MTERF2: variants seen among roughly 807,000 people sequenced by gnomAD.
MTERF2 encodes mitochondrial transcription termination factor 2.
Under a neutral mutation model 29.2 loss-of-function variants are expected in MTERF2, and 23 were observed. The observed-to-expected ratio is 0.79, with a 90% CI of 0.57 to 1.12. The LOEUF (loss-of-function observed/expected upper bound fraction) is 1.12, where lower values mean the gene tolerates loss of function less well. Among genes scored for constraint, MTERF2 ranks in the 50% most tolerant of loss-of-function variants. The pLI, the probability that MTERF2 is intolerant of heterozygous loss-of-function variation, is 0.00. For missense variants in MTERF2, 440 were observed against 429.4 expected (o/e 1.02, Z -0.22); for synonymous variants, 157 against 159.5 (o/e 0.98, Z 0.12).
rs146646904 is a variant in MTERF2, at chr12:106,978,677, C to G, written c.38G>C (p.Arg13Thr). ...WKLLLRSQSC[R>T]LCSFRKMRSP... The stretch of plus-strand genomic sequence containing the variant: ...TCGCATCTTTCTGAAAGAACACAGC[C>G]TGCAGGACTGGGATCTCAGCAGCAG... The change falls in exon 3 of 3, where the codon AGG becomes ACG. Residue 13 changes from arginine (R) to threonine (T), a missense_variant. By Grantham distance (71) the Arg-to-Thr change is moderately conservative. Transcript: ENST00000240050. 2 of 1,614,056 alleles carry G rather than the reference C, an allele frequency of 1.2e-6. No homozygotes were observed. Among genetic ancestry groups the G allele is most frequent in the Non-Finnish European group, 8.5e-7 (1 of 1,179,994 alleles).
At chr12:106,980,919 T>C (rs762234247) in intron 2 of MTERF2, among the ~76,000 whole-genome samples, 7 of 152,236 alleles carry the variant, frequency 4.6e-5, no homozygotes, top group Non-Finnish European at 7.3e-5. Flanking sequence ...GAGACTAAAA[T>C]AATTGTAGGC....
chr12:106,978,006 G>A lies in MTERF2; in HGVS notation c.709C>T (p.Gln237Ter), dbSNP rs370736317. 22 of 1,614,032 alleles carry A rather than the reference G, an allele frequency of 1.4e-5. No homozygotes were observed. Among genetic ancestry groups the A allele is most frequent in the Non-Finnish European group, 1.8e-5 (21 of 1,180,008 alleles). Residue 237 changes from glutamine to a stop codon, truncating the protein, a stop_gained, in exon 3 of 3, where the codon CAA (glutamine) becomes TAA (stop). Coordinates refer to ENST00000240050, the MANE Select transcript of MTERF2 (RefSeq NM_001033050.3). LOFTEE classifies it high-confidence loss of function. ...AGAATTTCAAAGCTGGTGAAACCTT[G>A]CTCCTGGAGAAATTCTAGTGTTTCC... ...IKETLEFLQE[Q>*]GFTSFEILQL...
chr12:106,977,504 T>C lies in MTERF2; in HGVS notation c.*53A>G. The C allele has an allele frequency of 6.6e-7, 1 of 1,519,462 alleles. No homozygotes were observed. The highest frequency in any genetic ancestry group is 8.8e-7 in the Non-Finnish European group (1 of 1,134,286). 94.1% of individuals were successfully genotyped at this position (1,519,462 alleles called of 1,614,324 possible). ...TACAAACTGCCTGAATTTTTGTCTTTGCTAGTTAGTTTCACCCTGCACTGC... is the reference window on the plus strand; with the variant it reads ...TACAAACTGCCTGAATTTTTGTCTTCGCTAGTTAGTTTCACCCTGCACTGC... On this transcript the variant is annotated 3_prime_UTR_variant, in exon 3 of 3. Coordinates refer to ENST00000240050, the MANE Select transcript of MTERF2 (RefSeq NM_001033050.3).
intron 2 of MTERF2, among the ~76,000 whole-genome samples, chr12:106,983,022 G>A (rs552028698): frequency 4.6e-5 from 7 of 151,992 alleles, no homozygotes; most frequent in South Asian, 2.1e-4. Flanking sequence ...AACTGCAATC[G>A]TTCTGCTTTT....
chr12:106,985,809 G>C (rs890524878), intron 1 of MTERF2: 1 of 152,182 alleles, frequency 6.6e-6, no homozygotes, highest in Non-Finnish European at 1.5e-5. Context: ...TAGGAATTTT[G>C]TTGCTGTTTG....
intron 2 of MTERF2, among the ~76,000 whole-genome samples, chr12:106,979,664 G>A (rs959972743): frequency 1.3e-5 from 2 of 152,098 alleles, no homozygotes; most frequent in African/African-American, 2.4e-5. Context: ...GACTGTTCCC[G>A]TGGTGCCATG....
intron 2 of MTERF2, among the ~76,000 whole-genome samples, chr12:106,980,173 G>GGT (rs1952039754): frequency 6.6e-6 from 1 of 152,130 alleles, no homozygotes; most frequent in African/African-American, 2.4e-5. Context: ...TGGGATTGTA[G>GGT]GTGTGGGCCC....
intron 2 of MTERF2, among the ~76,000 whole-genome samples, chr12:106,979,712 C>T (rs542441154): frequency 4.6e-5 from 7 of 152,274 alleles, no homozygotes; most frequent in African/African-American, 1.7e-4. Context: ...ACTGTACTTT[C>T]AGAACAGTGT....
rs77758288 is a variant in MTERF2, at chr12:106,982,463, T to C, written c.-58+2652A>G. ...TTAGTCTCTGATGAGCAAACACAAC[T>C]GACTATGGAAGTGAAAAGTATGAAT... On this transcript the variant is annotated intron_variant, in intron 2 of 2. Transcript: ENST00000240050. Among the ~76,000 whole-genome samples, 534 of 152,302 alleles carry C rather than the reference T, an allele frequency of 3.5e-3. 4 individuals are homozygous for C. The highest frequency in any genetic ancestry group is 0.012 in the African/African-American group (487 of 41,562).
At chr12:106,985,751 A>G (rs1952106362) in intron 1 of MTERF2, 1 of 152,216 alleles carries the variant, frequency 6.6e-6, no homozygotes, top group Non-Finnish European at 1.5e-5. Flanking sequence ...TCCGGACGCT[A>G]CTGCAGCACT....
rs767182939 is a variant in MTERF2 at position 106,978,663 on chromosome 12, TGAAA to T, written c.48_51del (p.Phe17GlufsTer13). 6.2e-6 allele frequency: 10 copies of T among 1,614,088 alleles called. No individual in the cohort carries two copies. In the Admixed American group the frequency reaches 6.7e-5, roughly 11 times the overall value. ...TATTTTGGAGGTGATCGCATCTTTCTGAAAGAACACAGCCTGCAGGACTGGGATC... is the reference window on the plus strand; with the variant it reads ...TATTTTGGAGGTGATCGCATCTTTCTGAACACAGCCTGCAGGACTGGGATC... On this transcript the variant is annotated frameshift_variant, in exon 3 of 3. Transcript: ENST00000240050. LOFTEE classifies it high-confidence loss of function.
chr12:106,978,512 C>CA lies in MTERF2; in HGVS notation c.202dup (p.Trp68LeufsTer7). ...ATAGGTTTCATCCTCTAAAAGTACC[C>CA]ATCCTTTTAATCTACGAATTTTCCT... On this transcript the variant is annotated frameshift_variant, in exon 3 of 3. Transcript: ENST00000240050. LOFTEE classifies it high-confidence loss of function. 1 of 1,614,098 alleles carries CA rather than the reference C, an allele frequency of 6.2e-7. No homozygotes were observed. Among genetic ancestry groups the CA allele is most frequent in the Non-Finnish European group, 8.5e-7 (1 of 1,179,932 alleles).
rs774453821 is a variant in MTERF2, at chr12:106,977,587, G to A, written c.1128C>T (p.Asn376=). 6.2e-7 allele frequency: 1 copy of A among 1,612,884 alleles called. No individual in the cohort carries two copies. The highest frequency in any genetic ancestry group is 1.3e-5 in the African/African-American group (1 of 74,820). ...IQAKKVRPLF[N]PVAPLNVEE is the part of the protein sequence containing the mutation. ...CTTCAACATTTAATGGTGCCACAGGGTTAAATAATGGCCTTACTTTTTTGG... is the reference window on the plus strand; with the variant it reads ...CTTCAACATTTAATGGTGCCACAGGATTAAATAATGGCCTTACTTTTTTGG... The change falls in exon 3 of 3, where the codon AAC becomes AAT. Residue 376 remains asparagine (N), a synonymous_variant. Coordinates refer to ENST00000240050, the MANE Select transcript of MTERF2 (RefSeq NM_001033050.3).
intron 2 of MTERF2, among the ~76,000 whole-genome samples, chr12:106,982,228 C>G (rs1952060480): frequency 6.6e-6 from 1 of 152,078 alleles, no homozygotes; most frequent in Non-Finnish European, 1.5e-5. Flanking sequence ...CTGTGCTGGA[C>G]TTGCTGAAAG....
chr12:106,985,482 T>G (rs1952100616), intron 1 of MTERF2: 1 of 152,278 alleles, frequency 6.6e-6, no homozygotes, highest in African/African-American at 2.4e-5. Context: ...AAGGAAACTT[T>G]TCTAACCTTC....
chr12:106,977,401 ATG>A lies in MTERF2; in HGVS notation c.*154_*155del, dbSNP rs1951994877. ...TGATTTATATTTTATAATATGGCACATGAGTCAGAATTTATCTATTTAGAGAT... is the reference window on the plus strand; with the variant it reads ...TGATTTATATTTTATAATATGGCACAAGTCAGAATTTATCTATTTAGAGAT... On this transcript the variant is annotated 3_prime_UTR_variant, in exon 3 of 3. Coordinates refer to ENST00000240050, the MANE Select transcript of MTERF2 (RefSeq NM_001033050.3). 4.2e-5 allele frequency: 5 copies of A among 120,012 alleles called. No homozygotes were observed. Among genetic ancestry groups the A allele is most frequent in the Non-Finnish European group, 5.8e-5 (5 of 86,546 alleles). 7.4% of individuals were successfully genotyped at this position (120,012 alleles called of 1,614,324 possible).
At position 106,977,837 on chromosome 12, in the gene MTERF2, T is replaced by C; in HGVS notation, c.878A>G (p.Tyr293Cys). The C allele has an allele frequency of 6.2e-7, 1 of 1,613,950 alleles. No individual in the cohort carries two copies. The highest frequency in any genetic ancestry group is 1.7e-5 in the Admixed American group (1 of 60,012). ...CTCTTCTAAAACTGGAACAGAATAA[T>C]ATAAAAGGGCAGGACATTTCAAAAC... ...QLVLKCPALL[Y>C]YSVPVLEERM... is the part of the protein sequence containing the mutation. Residue 293 changes from tyrosine (Y) to cysteine (C), a missense_variant, in exon 3 of 3, where the codon TAT becomes TGT. Physicochemically the swap from Tyr to Cys is radical, Grantham distance 194. Transcript: ENST00000240050.
At chr12:106,978,905 AT>A in intron 2 of MTERF2, 134 bp from the exon 3 acceptor site, 1 of 506,282 alleles carries the variant, frequency 2.0e-6, no homozygotes. Context: ...CATGTGGAAT[AT>A]TTTTAAAAAT....
Position 106,978,582 on chromosome 12 carries a change from T to G in MTERF2, c.133A>C (p.Asn45His). 6.2e-7 allele frequency: 1 copy of G among 1,614,232 alleles called. No individual in the cohort carries two copies. The highest frequency in any genetic ancestry group is 8.5e-7 in the Non-Finnish European group (1 of 1,180,040). ...TAGAGCTTTTCCACTGTTCTTGTAT[T>G]TTCTTTGCTCGACTGTTTATCAGTT... ...YTTDKQSSKENTRTVEKLYKC... is the reference protein window; with the variant it reads ...YTTDKQSSKEHTRTVEKLYKC... Residue 45 changes from asparagine to histidine, a missense_variant, in exon 3 of 3, where the codon AAT becomes CAT. Transcript: ENST00000240050.
Sources: allele counts gnomAD v4.1 joint callset (sites outside exome capture counted in the v4.1 genomes callset), GRCh38; gene constraint gnomAD v4.1.1; transcripts MANE v1.5; gene names NCBI Gene and HGNC (gene_info 2026-07-23, HGNC 2026-07-21).